GSE1: variants seen among roughly 807,000 people sequenced by gnomAD.
The protein encoded by GSE1 is genetic suppressor element 1.
In GSE1, 32 loss-of-function variants were observed where a neutral mutation model predicts 112.6. That is an observed-to-expected ratio of 0.28 (90% CI 0.21 to 0.38). The LOEUF (loss-of-function observed/expected upper bound fraction) is 0.38, where lower values mean the gene tolerates loss of function less well. GSE1 is among the 10% of genes least tolerant of loss of function. GSE1 has a pLI of 1.00. For missense variants in GSE1, 2,348 were observed against 1,699.2 expected (o/e 1.38, Z -6.71); for synonymous variants, 1,115 against 735.6 (o/e 1.52, Z -8.35).
chr16:85,395,941 C>T (rs2047955696), intron 2 of GSE1, among the ~76,000 whole-genome samples: 1 of 152,234 alleles, frequency 6.6e-6, no homozygotes, highest in African/African-American at 2.4e-5. Context: ...CCCCAGCCTG[C>T]AGAGCCCACA....
At chr16:85,644,514 A>C (rs1487573762) in intron 2 of GSE1, among the ~76,000 whole-genome samples, 1 of 152,256 alleles carries the variant, frequency 6.6e-6, no homozygotes, top group East Asian at 1.9e-4. Flanking sequence ...TAGGTGCTGC[A>C]ATGTGGATGA....
chr16:85,652,568 C>G (rs959450429), intron 3 of GSE1, among the ~76,000 whole-genome samples: 4 of 144,282 alleles, frequency 2.8e-5, no homozygotes, highest in African/African-American at 7.6e-5. Flanking sequence ...GGCGGCGGCT[C>G]CTCCAGTTAA....
intron 2 of GSE1, among the ~76,000 whole-genome samples, chr16:85,541,715 C>T (rs1369203663): frequency 6.6e-6 from 1 of 152,204 alleles, no homozygotes; most frequent in African/African-American, 2.4e-5. Flanking sequence ...GACAGAGCGG[C>T]AGGGATGGTG....
At chr16:85,603,180 G>A (rs2047540237) in intron 1 of GSE1, among the ~76,000 whole-genome samples, 1 of 152,256 alleles carries the variant, frequency 6.6e-6, no homozygotes, top group African/African-American at 2.4e-5. Flanking sequence ...GACAAAAATA[G>A]GTCTGCAGCT....
At chr16:85,434,211 C>T (rs543463102) in intron 2 of GSE1, among the ~76,000 whole-genome samples, 2 of 152,142 alleles carry the variant, frequency 1.3e-5, no homozygotes, top group African/African-American at 2.4e-5. Flanking sequence ...AGCCTCATTT[C>T]TGTGACATAC....
At chr16:85,461,878 T>G (rs2049978577) in intron 2 of GSE1, among the ~76,000 whole-genome samples, 1 of 151,956 alleles carries the variant, frequency 6.6e-6, no homozygotes, top group South Asian at 2.1e-4. Context: ...CCCCAGCTCC[T>G]GAGAGCGGCA....
intron 1 of GSE1, among the ~76,000 whole-genome samples, chr16:85,310,468 C>T (rs1359452538): frequency 1.3e-5 from 2 of 151,806 alleles, no homozygotes; most frequent in East Asian, 3.8e-4. Flanking sequence ...TGTTTTCCTC[C>T]CTCCCTCCCC....
intron 2 of GSE1, among the ~76,000 whole-genome samples, chr16:85,360,572 G>A (rs904163628): frequency 1.3e-5 from 2 of 152,132 alleles, no homozygotes; most frequent in African/African-American, 2.4e-5. Flanking sequence ...CCTCTCATCC[G>A]GCAGGCGGGC....
At chr16:85,297,586 A>G (rs1316663642) in intron 1 of GSE1, among the ~76,000 whole-genome samples, 2 of 151,862 alleles carry the variant, frequency 1.3e-5, no homozygotes, top group African/African-American at 4.8e-5. Flanking sequence ...TGCAGCCTCC[A>G]CCTCTCAGGC....
intron 1 of GSE1, among the ~76,000 whole-genome samples, chr16:85,331,024 T>A (rs1416129335): frequency 3.9e-5 from 6 of 152,156 alleles, no homozygotes; most frequent in Non-Finnish European, 5.9e-5. Context: ...CATACCCTGC[T>A]ATGTTGCTTT....
intron 1 of GSE1, among the ~76,000 whole-genome samples, chr16:85,291,562 C>A (rs573203050): frequency 2.6e-5 from 4 of 152,348 alleles, no homozygotes; most frequent in South Asian, 4.1e-4. Flanking sequence ...CCACAGGGCT[C>A]AGGGCCGGCT....
chr16:85,617,201 C>G (rs1301112640), intron 1 of GSE1, among the ~76,000 whole-genome samples: 1 of 152,230 alleles, frequency 6.6e-6, no homozygotes, highest in Non-Finnish European at 1.5e-5. Context: ...ATCCATACTC[C>G]CATGCCCACC....
At chr16:85,610,081 C>G (rs532003491), upstream of GSE1, among the ~76,000 whole-genome samples, 1 of 152,192 alleles carries the variant, frequency 6.6e-6, no homozygotes, top group African/African-American at 2.4e-5. Flanking sequence ...AGGTGAGGGG[C>G]TGGGAGCCTG....
chr16:85,661,089 C>T (rs2052389307), intron 8 of GSE1, 57 bp from the exon 9 acceptor site: 3 of 1,494,044 alleles, frequency 2.0e-6, no homozygotes, highest in Non-Finnish European at 2.7e-6. Context: ...CCAGGGAAGC[C>T]TGTGGATGAC....
intron 2 of GSE1, among the ~76,000 whole-genome samples, chr16:85,392,277 A>T (rs1305601851): frequency 6.6e-6 from 1 of 152,238 alleles, no homozygotes. Context: ...AGAGAGCGTC[A>T]CCAGATCCAG....
At chr16:85,259,482 C>A (rs938932901) in intron 1 of GSE1, among the ~76,000 whole-genome samples, 8 of 152,232 alleles carry the variant, frequency 5.3e-5, no homozygotes, top group African/African-American at 1.9e-4. Context: ...AGCTGTCCTG[C>A]GGGGTGTGGG....
chr16:85,656,817 G>C, intron 7 of GSE1, 152 bp downstream of exon 7: 2 of 1,105,416 alleles, frequency 1.8e-6, no homozygotes, highest in Non-Finnish European at 2.5e-6. Flanking sequence ...GGAGTAGGGA[G>C]CAGAGGCACG....
chr16:85,529,254 C>T (rs1298226942), intron 2 of GSE1, among the ~76,000 whole-genome samples: 1 of 152,106 alleles, frequency 6.6e-6, no homozygotes, highest in Non-Finnish European at 1.5e-5. Flanking sequence ...GGTGTGTGGC[C>T]CGGAAGGCCA....
chr16:85,636,282 C>T (rs576120166), intron 2 of GSE1, among the ~76,000 whole-genome samples: 1 of 152,322 alleles, frequency 6.6e-6, no homozygotes, highest in East Asian at 1.9e-4. Context: ...TTCACTCACC[C>T]ACCTCACCCC....
Sources: gnomAD v4.1 joint callset for allele counts (sites outside exome capture counted in the v4.1 genomes callset) on GRCh38, gnomAD v4.1.1 for gene constraint, MANE v1.5 for transcripts, NCBI Gene and HGNC (gene_info 2026-07-23, HGNC 2026-07-21) for gene names.